Variants in ALDH9A1 observed in about 807,000 individuals in gnomAD.
ALDH9A1 encodes aldehyde dehydrogenase 9 family member A1.
Under a neutral mutation model 56.6 loss-of-function variants are expected in ALDH9A1, and 42 were observed. The ratio of observed to expected loss-of-function variants is 0.74; its 90% CI spans 0.58 to 0.96. The LOEUF (loss-of-function observed/expected upper bound fraction) is 0.96, where lower values mean the gene tolerates loss of function less well. Among genes scored for constraint, ALDH9A1 ranks in the 40% least tolerant of loss-of-function variants. The pLI, the probability that ALDH9A1 is intolerant of heterozygous loss-of-function variation, is 0.00. For missense variants in ALDH9A1, 661 were observed against 651.5 expected, an observed-to-expected ratio of 1.01 and a Z score of -0.16; for synonymous variants, 242 against 236.0, an observed-to-expected ratio of 1.03 and a Z score of -0.23.
intron 2 of ALDH9A1, among the ~76,000 whole-genome samples, chr1:165,684,692 T>C (rs2101750442): frequency 6.6e-6 from 1 of 152,284 alleles, no homozygotes; most frequent in Admixed American, 6.5e-5. Flanking sequence ...GATGAATCAG[T>C]ACAGAACATT....
At chr1:165,693,139 C>T (rs1158755902) in intron 2 of ALDH9A1, among the ~76,000 whole-genome samples, 1 of 152,152 alleles carries the variant, frequency 6.6e-6, no homozygotes, top group Non-Finnish European at 1.5e-5. Context: ...CAATACCATT[C>T]AGGACACAGG....
intron 6 of ALDH9A1, among the ~76,000 whole-genome samples, chr1:165,670,325 T>G (rs1338059714): frequency 6.6e-6 from 1 of 151,924 alleles, no homozygotes; most frequent in Non-Finnish European, 1.5e-5. Context: ...CCCAGCTACT[T>G]GGGAGGCTAA....
intron 2 of ALDH9A1, among the ~76,000 whole-genome samples, chr1:165,685,001 A>C (rs979683195): frequency 6.6e-5 from 10 of 152,356 alleles, no homozygotes; most frequent in African/African-American, 2.4e-4. Flanking sequence ...CTTACAAAAA[A>C]AAAGTTATCT....
At chr1:165,683,175 T>C in intron 2 of ALDH9A1, 65 bp from the exon 3 acceptor site, 40 of 1,508,752 alleles carry the variant, frequency 2.7e-5, no homozygotes, top group Non-Finnish European at 3.6e-5. Flanking sequence ...AATTAATGCT[T>C]AAATAGAACA....
intron 8 of ALDH9A1, among the ~76,000 whole-genome samples, chr1:165,668,071 T>C (rs1404832195): frequency 6.6e-6 from 1 of 152,180 alleles, no homozygotes; most frequent in Non-Finnish European, 1.5e-5. Context: ...CATATACACC[T>C]TGACTGTCAA....
At chr1:165,687,389 A>G (rs1446591883) in intron 2 of ALDH9A1, among the ~76,000 whole-genome samples, 2 of 152,142 alleles carry the variant, frequency 1.3e-5, no homozygotes, top group Non-Finnish European at 2.9e-5. Context: ...GGAAAAATAC[A>G]TATGAAGAAA....
rs193086013 is a variant in ALDH9A1, at chr1:165,664,231, T to C, written c.1462+787A>G. On this transcript the variant is annotated intron_variant, in intron 10 of 10. Transcript: ENST00000354775. ...CCAACACTGTGATGGCTGTAAATAT[T>C]TGCCACAGAAACTAGAGGTCAGACT... is the stretch of plus-strand genomic sequence containing the variant. Among the ~76,000 whole-genome samples the C allele has an allele frequency of 1.2e-4, 19 of 152,188 alleles. No individual in the cohort carries two copies. In the East Asian group the frequency reaches 2.9e-3, roughly 23 times the overall value.
At chr1:165,669,183 C>T in intron 7 of ALDH9A1, 79 bp downstream of exon 7, 5 of 1,429,892 alleles carry the variant, frequency 3.5e-6, no homozygotes, top group Non-Finnish European at 3.8e-6. Flanking sequence ...CGAATATTAA[C>T]ATGAAAAGGG....
At chr1:165,677,186 AAC>A (rs1649390564) in intron 6 of ALDH9A1, among the ~76,000 whole-genome samples, 1 of 151,740 alleles carries the variant, frequency 6.6e-6, no homozygotes, top group Non-Finnish European at 1.5e-5. Context: ...CAGCCTGGCC[AAC>A]ACAGTGAAAC....
At chr1:165,664,311 A>G (rs1648938239) in intron 10 of ALDH9A1, among the ~76,000 whole-genome samples, 2 of 152,244 alleles carry the variant, frequency 1.3e-5, no homozygotes, top group Non-Finnish European at 2.9e-5. Context: ...GAAGAACAGC[A>G]TGAGAAATAT....
chr1:165,689,521 T>A (rs1649819125), intron 2 of ALDH9A1, among the ~76,000 whole-genome samples: 1 of 152,316 alleles, frequency 6.6e-6, no homozygotes, highest in East Asian at 1.9e-4. Context: ...TAATTTCTAT[T>A]TAAATGAATC....
At chr1:165,682,739 G>T in intron 3 of ALDH9A1, 1 of 434,258 alleles carries the variant, frequency 2.3e-6, no homozygotes, top group Admixed American at 3.8e-5. Context: ...TAAAGCTCAG[G>T]TATCATGCTA....
At chr1:165,685,856 T>C (rs2101751288) in intron 2 of ALDH9A1, among the ~76,000 whole-genome samples, 1 of 152,322 alleles carries the variant, frequency 6.6e-6, no homozygotes, top group East Asian at 1.9e-4. Flanking sequence ...GGCAAGAAGA[T>C]AACCTACATA....
intron 6 of ALDH9A1, among the ~76,000 whole-genome samples, chr1:165,678,579 G>A (rs6683969): frequency 0.42 from 63,325 of 151,976 alleles, 13,442 homozygotes; most frequent in Middle Eastern, 0.5. Context: ...AGCAAGAATC[G>A]TCAGTGGTGA....
At chr1:165,694,966 A>T (rs535927830) in intron 2 of ALDH9A1, among the ~76,000 whole-genome samples, 15 of 143,844 alleles carry the variant, frequency 1.0e-4, no homozygotes, top group Middle Eastern at 3.4e-3. Context: ...AAAAAAAAAA[A>T]AAAATAAAAA....
chr1:165,693,451 G>A (rs1292032797), intron 2 of ALDH9A1, among the ~76,000 whole-genome samples: 1 of 152,128 alleles, frequency 6.6e-6, no homozygotes, highest in Non-Finnish European at 1.5e-5. Context: ...GCAGCCAAAA[G>A]ACACATGAAA....
In ALDH9A1 at chr1:165,680,576, G is replaced by A. The variant is rs747426195; in HGVS notation, c.700C>T (p.Gln234Ter). The A allele has an allele frequency of 1.8e-5, 29 of 1,614,022 alleles. No individual in the cohort carries two copies. The highest frequency in any genetic ancestry group is 2.4e-5 in the Non-Finnish European group (28 of 1,180,036). ...GVPPGLFNVV[Q>*]GGAATGQFLC... ...AACTGGCCTGTGGCAGCCCCTCCCT[G>A]CACCACATTGAAGAGCCCAGGAGGT... Residue 234 changes from glutamine to a stop codon, truncating the protein, a stop_gained, in exon 5 of 11, where the codon CAG becomes TAG. Transcript: ENST00000354775. LOFTEE classifies it high-confidence loss of function.
chr1:165,682,248 G>T lies in ALDH9A1; in HGVS notation c.458-7C>A, dbSNP rs1336886956. Reference sequence around the variant, plus strand: ...GGGAGCTGGATGTGTTCACCTATGGGGAAAACAGGAGTAAAGGAGGATGCA... The same window carrying T: ...GGGAGCTGGATGTGTTCACCTATGGTGAAAACAGGAGTAAAGGAGGATGCA... On this transcript the variant is annotated splice_region_variant and splice_polypyrimidine_tract_variant and intron_variant, in intron 3 of 10. Coordinates refer to ENST00000354775, the MANE Select transcript of ALDH9A1 (RefSeq NM_000696.4). 11 of 1,612,646 alleles carry T rather than the reference G, an allele frequency of 6.8e-6. No homozygotes were observed. The African/African-American group carries it at 1.2e-4, about 18-fold the overall frequency.
chr1:165,692,931 C>T (rs950178919), intron 2 of ALDH9A1, among the ~76,000 whole-genome samples: 4 of 152,042 alleles, frequency 2.6e-5, no homozygotes, highest in Admixed American at 1.3e-4. Context: ...ACCATCTGAT[C>T]TTTGACAAAC....
Sources: gnomAD v4.1 joint callset for allele counts (sites outside exome capture counted in the v4.1 genomes callset) on GRCh38, gnomAD v4.1.1 for gene constraint, MANE v1.5 for transcripts, NCBI Gene and HGNC (gene_info 2026-07-23, HGNC 2026-07-21) for gene names.